WDR82: variants seen among roughly 807,000 people sequenced by gnomAD.
WDR82 encodes the protein WD repeat domain 82, also known as WD repeat-containing protein 82.
WDR82 carries 8 observed loss-of-function variants against 36.1 expected under a neutral mutation model. The observed-to-expected ratio is 0.22, with a 90% CI of 0.13 to 0.40. The LOEUF is 0.40. Among genes scored for constraint, WDR82 ranks in the 10% least tolerant of loss-of-function variants. The pLI is 1.00. For missense variants in WDR82, 185 were observed against 400.5 expected, an observed-to-expected ratio of 0.46 and a Z score of 4.59; for synonymous variants, 129 against 137.8, an observed-to-expected ratio of 0.94 and a Z score of 0.45.
chr3:52,258,309 A>G (rs1020427201), intron 8 of WDR82, among the ~76,000 whole-genome samples: 1 of 152,224 alleles, frequency 6.6e-6, no homozygotes, highest in Non-Finnish European at 1.5e-5. Flanking sequence ...TGGAACTCAA[A>G]GATGATTCCT....
rs1181642174 is a variant in WDR82 at position 52,254,922 on chromosome 3, TAG to T, written c.*2566_*2567del. The T allele has an allele frequency of 1.3e-5, 2 of 151,434 alleles. No homozygotes were observed. Among genetic ancestry groups the T allele is most frequent in the African/African-American group, 4.9e-5 (2 of 41,134 alleles). 9.4% of individuals were successfully genotyped at this position (151,434 alleles called of 1,614,324 possible). A position where few individuals can be genotyped will look rare whatever the true frequency, so the allele number is the denominator to read the frequency against. ...GCTTTGCAACCACAGGGCCCAACGA[TAG>T]AGACTGTGAGGTGGCATTTTTTTTT... On this transcript the variant is annotated 3_prime_UTR_variant, in exon 9 of 9. Transcript: ENST00000296490.
chr3:52,260,462 C>A lies in WDR82; in HGVS notation c.466G>T (p.Asp156Tyr). The change falls in exon 5 of 9, where the codon GAT becomes TAT. Residue 156 changes from aspartate (D) to tyrosine (Y), a missense_variant. Asp to Tyr is a radical substitution (Grantham distance 160). Around this residue, in one of 3 missense-constraint regions of WDR82, gnomAD observed 110 missense variants for 212.6 expected, o/e 0.52. Transcript: ENST00000296490. ...GCAGCGAAAATTAACCCTTCTGGAT[C>A]AAAAGAACAAACTGGCTTCCCCTGC... ...HLQGKPVCSF[D>Y]PEGLIFAAGV... 2 of 1,591,788 alleles carry A rather than the reference C, an allele frequency of 1.3e-6. No homozygotes were observed. The highest frequency in any genetic ancestry group is 2.3e-5 in the South Asian group (2 of 87,812).
intron 1 of WDR82, among the ~76,000 whole-genome samples, chr3:52,273,387 C>T (rs929781054): frequency 4.6e-5 from 7 of 151,556 alleles, no homozygotes; most frequent in South Asian, 2.1e-4. Flanking sequence ...GCCAAGATCG[C>T]GCCATTGTAC....
intron 2 of WDR82, chr3:52,268,398 T>C: frequency 2.1e-6 from 1 of 468,460 alleles, no homozygotes; most frequent in Non-Finnish European, 4.5e-6. Context: ...CTGGAGGAAC[T>C]CTTCAGGATG....
At chr3:52,268,445 G>A (rs1162913732) in intron 2 of WDR82, 3 of 416,574 alleles carry the variant, frequency 7.2e-6, no homozygotes, top group South Asian at 1.7e-5. Context: ...TCACAGCAGA[G>A]GCTTGGCAGC....
At position 52,257,195 on chromosome 3, in the gene WDR82, G is replaced by C; in HGVS notation, c.*295C>G. 1 of 453,146 alleles carries C rather than the reference G, an allele frequency of 2.2e-6. No homozygotes were observed. Among genetic ancestry groups the C allele is most frequent in the Non-Finnish European group, 4.0e-6 (1 of 251,508 alleles). The allele number at this position is 453,146 out of a possible 1,614,324, so 28.1% of individuals were successfully genotyped here. ...GTACATTCAAATTGAAGATGCTTGAGAGCCCCACTATACCAAATCGTGAGT... is the reference window on the plus strand; with the variant it reads ...GTACATTCAAATTGAAGATGCTTGACAGCCCCACTATACCAAATCGTGAGT... On this transcript the variant is annotated 3_prime_UTR_variant, in exon 9 of 9. Coordinates refer to ENST00000296490, the MANE Select transcript of WDR82 (RefSeq NM_025222.4).
intron 1 of WDR82, among the ~76,000 whole-genome samples, chr3:52,275,355 G>T (rs963535344): frequency 1.8e-4 from 27 of 152,180 alleles, no homozygotes; most frequent in African/African-American, 6.0e-4. Flanking sequence ...AACTAAAGAG[G>T]TTGTCTAATA....
chr3:52,270,117 G>C (rs1468414538), intron 2 of WDR82, among the ~76,000 whole-genome samples: 1 of 152,124 alleles, frequency 6.6e-6, no homozygotes, highest in Non-Finnish European at 1.5e-5. Flanking sequence ...CCTTTTATTT[G>C]TTCTAAAAGT....
chr3:52,260,400 A>T lies in WDR82; in HGVS notation c.528T>A (p.Leu176=). ...VNSEMVKLYD[L]RSFDKGPFAT... ...AAAGATTTACCTTATCAAAAGAACGAAGGTCATAAAGCTTGACCATTTCAG... is the reference window on the plus strand; with the variant it reads ...AAAGATTTACCTTATCAAAAGAACGTAGGTCATAAAGCTTGACCATTTCAG... The change falls in exon 5 of 9, where the codon CTT becomes CTA. Residue 176 remains leucine (L), a synonymous_variant. Transcript: ENST00000296490. The T allele has an allele frequency of 6.4e-7, 1 of 1,566,484 alleles. No individual in the cohort carries two copies. The highest frequency in any genetic ancestry group is 8.6e-7 in the Non-Finnish European group (1 of 1,164,394).
At chr3:52,259,323 G>A in intron 6 of WDR82, 57 bp from the exon 7 acceptor site, 2 of 1,545,356 alleles carry the variant, frequency 1.3e-6, no homozygotes, top group Non-Finnish European at 1.8e-6. Flanking sequence ...AAAAACAGCT[G>A]CCTACAAACA....
At chr3:52,277,469 G>C (rs1191830194) in intron 1 of WDR82, among the ~76,000 whole-genome samples, 1 of 152,146 alleles carries the variant, frequency 6.6e-6, no homozygotes, top group Non-Finnish European at 1.5e-5. Flanking sequence ...TGCTTGCTTT[G>C]TTTTAACGGA....
At chr3:52,261,766 G>C (rs1012393519) in intron 3 of WDR82, among the ~76,000 whole-genome samples, 6 of 152,082 alleles carry the variant, frequency 3.9e-5, no homozygotes, top group Admixed American at 1.3e-4. Context: ...TATAATAAGA[G>C]AGATAACAAG....
chr3:52,267,094 G>A, intron 2 of WDR82, 76 bp from the exon 3 acceptor site: 3 of 1,207,782 alleles, frequency 2.5e-6, no homozygotes, highest in Middle Eastern at 2.0e-4. Flanking sequence ...ATCTTAAAAA[G>A]ACAAGGTCAA....
chr3:52,271,634 G>A (rs769052565), intron 1 of WDR82, among the ~76,000 whole-genome samples: 7 of 151,748 alleles, frequency 4.6e-5, no homozygotes, highest in Non-Finnish European at 7.4e-5. Flanking sequence ...ACTGAAACCA[G>A]ATGCAAAACT....
At chr3:52,275,622 A>G (rs1169423944) in intron 1 of WDR82, among the ~76,000 whole-genome samples, 1 of 152,204 alleles carries the variant, frequency 6.6e-6, no homozygotes, top group Non-Finnish European at 1.5e-5. Context: ...GCAGTGGCTC[A>G]TGCCTGGAAT....
In WDR82 at chr3:52,257,489, G is replaced by A. The variant is rs1040326493; in HGVS notation, c.*1C>T. 1.1e-5 allele frequency: 17 copies of A among 1,613,914 alleles called. No individual in the cohort carries two copies. Among genetic ancestry groups the A allele is most frequent in the Non-Finnish European group, 1.1e-5 (13 of 1,180,014 alleles). On this transcript the variant is annotated 3_prime_UTR_variant, in exon 9 of 9. Transcript: ENST00000296490. The stretch of plus-strand genomic sequence containing the variant: ...ACAGAAATAGCCAAGCAGCAACAGG[G>A]TCAGTCATCAATGGTGGGCAACCAA...
chr3:52,259,300 C>T (rs1700039432), intron 6 of WDR82, 34 bp from the exon 7 acceptor site: 3 of 1,605,984 alleles, frequency 1.9e-6, no homozygotes, highest in Non-Finnish European at 2.6e-6. Context: ...TTTGTTCTTA[C>T]AGAGCCATTA....
chr3:52,257,249 C>T lies in WDR82; in HGVS notation c.*241G>A, dbSNP rs1341724782. ...GTCACTCCTCCAGCAGAGCTTGGTG[C>T]AGTGACAGTTAGAAAAGCTGAGTTC... On this transcript the variant is annotated 3_prime_UTR_variant, in exon 9 of 9. Coordinates refer to ENST00000296490, the MANE Select transcript of WDR82 (RefSeq NM_025222.4). The T allele has an allele frequency of 2.2e-5, 13 of 580,132 alleles. No individual in the cohort carries two copies. Among genetic ancestry groups the T allele is most frequent in the Admixed American group, 2.1e-4 (7 of 32,766 alleles). The allele number at this position is 580,132 out of a possible 1,614,324, so 35.9% of individuals were successfully genotyped here.
intron 2 of WDR82, among the ~76,000 whole-genome samples, chr3:52,270,460 C>T (rs1478600516): frequency 1.3e-5 from 2 of 152,198 alleles, no homozygotes; most frequent in South Asian, 2.1e-4. Flanking sequence ...AAATCATAAA[C>T]ACAATTAGTT....
Sources: allele counts gnomAD v4.1 joint callset (sites outside exome capture counted in the v4.1 genomes callset), GRCh38; gene constraint gnomAD v4.1.1; regional missense constraint gnomAD v4.1.1; transcripts MANE v1.5; gene names NCBI Gene and HGNC (gene_info 2026-07-23, HGNC 2026-07-21).